TNNI3K: variants seen among roughly 807,000 people sequenced by gnomAD.
TNNI3K encodes serine/threonine-protein kinase TNNI3K.
In TNNI3K, 140 loss-of-function variants were observed where a neutral mutation model predicts 114.5. That is an observed-to-expected ratio of 1.22 (90% CI 1.07 to 1.41). TNNI3K has a LOEUF of 1.41. Among genes scored for constraint, TNNI3K ranks in the 40% most tolerant of loss-of-function variants. The pLI is 0.00. For synonymous variants in TNNI3K, 347 were observed against 347.5 expected (o/e 1.00, Z 0.02); for missense variants, 1,125 against 1,007.6 (o/e 1.12, Z -1.58).
chr1:74,255,750 T>C (rs1269301959), intron 4 of TNNI3K, among the ~76,000 whole-genome samples: 1 of 152,232 alleles, frequency 6.6e-6, no homozygotes, highest in Non-Finnish European at 1.5e-5. Context: ...ACATTTCTAC[T>C]ATACCAAAAA....
At chr1:74,407,706 C>A (rs1462441320) in intron 17 of TNNI3K, among the ~76,000 whole-genome samples, 1 of 152,138 alleles carries the variant, frequency 6.6e-6, no homozygotes, top group East Asian at 1.9e-4. Flanking sequence ...GAGGAGATAC[C>A]TGGTCTCTAA....
chr1:74,287,910 C>T (rs1256575674), intron 5 of TNNI3K, among the ~76,000 whole-genome samples: 3 of 151,902 alleles, frequency 2.0e-5, no homozygotes, highest in African/African-American at 7.3e-5. Context: ...ATATTCCAAT[C>T]TAAAAATGTG....
chr1:74,262,758 C>T (rs1655755295), intron 4 of TNNI3K, among the ~76,000 whole-genome samples: 2 of 152,028 alleles, frequency 1.3e-5, no homozygotes, highest in Admixed American at 6.6e-5. Flanking sequence ...TAAATGAACA[C>T]ATTCTCAATA....
intron 5 of TNNI3K, among the ~76,000 whole-genome samples, chr1:74,304,697 A>C (rs571398367): frequency 1.3e-5 from 2 of 152,200 alleles, no homozygotes; most frequent in African/African-American, 2.4e-5. Context: ...CTCCTGCTCC[A>C]ATCTCCCAAA....
chr1:74,254,752 G>A (rs1553123727), intron 4 of TNNI3K, among the ~76,000 whole-genome samples: 2 of 152,090 alleles, frequency 1.3e-5, no homozygotes, highest in South Asian at 2.1e-4. Flanking sequence ...AATTCAGGGC[G>A]AGTCCACAGT....
chr1:74,408,768 A>G (rs996372843), intron 17 of TNNI3K, among the ~76,000 whole-genome samples: 12 of 152,188 alleles, frequency 7.9e-5, no homozygotes, highest in Non-Finnish European at 4.4e-5. Context: ...CAAATGCAAC[A>G]TGGTAATGTA....
intron 21 of TNNI3K, chr1:74,480,282 G>T (rs1668420130): frequency 1.4e-6 from 1 of 717,424 alleles, no homozygotes; most frequent in Non-Finnish European, 2.6e-6. Flanking sequence ...AGCACACTCT[G>T]TGCAGCTGCC....
intron 20 of TNNI3K, among the ~76,000 whole-genome samples, chr1:74,451,819 T>G (rs1667041123): frequency 6.7e-6 from 1 of 149,778 alleles, no homozygotes; most frequent in Non-Finnish European, 1.5e-5. Flanking sequence ...CAATGTTGAA[T>G]TGAAGTGGTA....
chr1:74,364,911 T>C (rs577298555), intron 11 of TNNI3K, among the ~76,000 whole-genome samples: 2 of 152,212 alleles, frequency 1.3e-5, no homozygotes, highest in African/African-American at 4.8e-5. Context: ...GAGAAAACCA[T>C]GTTGAACTTT....
intron 20 of TNNI3K, among the ~76,000 whole-genome samples, chr1:74,450,540 C>G (rs975261959): frequency 6.6e-6 from 1 of 151,974 alleles, no homozygotes; most frequent in African/African-American, 2.4e-5. Flanking sequence ...CTACAATGGA[C>G]TTAAACAAAT....
At chr1:74,301,033 T>G (rs761490640) in intron 5 of TNNI3K, among the ~76,000 whole-genome samples, 2 of 152,178 alleles carry the variant, frequency 1.3e-5, no homozygotes, top group Non-Finnish European at 2.9e-5. Context: ...TATGGAGAGA[T>G]ATGCAAGATT....
chr1:74,382,332 A>G (rs1033063589), intron 17 of TNNI3K, among the ~76,000 whole-genome samples: 1 of 152,154 alleles, frequency 6.6e-6, no homozygotes, highest in Admixed American at 6.6e-5. Context: ...TACCCTTGTG[A>G]TTAATAAGGG....
At chr1:74,520,074 G>A (rs1472556719) in intron 23 of TNNI3K, among the ~76,000 whole-genome samples, 1 of 152,092 alleles carries the variant, frequency 6.6e-6, no homozygotes, top group Non-Finnish European at 1.5e-5. Context: ...CTTTAATGGT[G>A]ATTTGTGAGA....
chr1:74,458,017 T>C (rs1667298283), intron 20 of TNNI3K, among the ~76,000 whole-genome samples: 1 of 152,210 alleles, frequency 6.6e-6, no homozygotes, highest in South Asian at 2.1e-4. Context: ...ATGTTTTTTA[T>C]ATCTAGCTCT....
chr1:74,418,135 T>C (rs771093335), intron 17 of TNNI3K: 2 of 450,458 alleles, frequency 4.4e-6, no homozygotes, highest in South Asian at 1.6e-5. Flanking sequence ...TCCTAAAAGG[T>C]AGGAGGTCTT....
rs1320512521 is a variant in TNNI3K, at chr1:74,398,791, C to G, written c.1772+28399C>G. On this transcript the variant is annotated intron_variant, in intron 17 of 24. Transcript: ENST00000326637. Reference sequence around the variant, plus strand: ...CATATTAGATGGGATTACCACACCCCTTGTTATCTCCCCTCTTCTGGAAAG... The same window carrying G: ...CATATTAGATGGGATTACCACACCCGTTGTTATCTCCCCTCTTCTGGAAAG... 2.0e-5 allele frequency among the ~76,000 whole-genome samples: 3 copies of G among 152,094 alleles called. No individual in the cohort carries two copies. In the East Asian group the frequency reaches 5.8e-4, roughly 29 times the overall value.
At position 74,441,929 on chromosome 1, in the gene TNNI3K, G is replaced by A. The variant is rs114206196; in HGVS notation, c.2011+2307G>A. On this transcript the variant is annotated intron_variant, in intron 20 of 24. Coordinates refer to ENST00000326637, the MANE Select transcript of TNNI3K (RefSeq NM_015978.3). ...TGTGGCTTGCCTTTTTGTATTCTCA[G>A]CAATGTCTTTCAAAGAGCAGATGTT... 7.8e-3 allele frequency among the ~76,000 whole-genome samples: 1,192 copies of A among 152,110 alleles called. 19 individuals are homozygous for A. The highest frequency in any genetic ancestry group is 0.027 in the African/African-American group (1,133 of 41,504).
At chr1:74,484,209 G>A (rs1349405684) in intron 21 of TNNI3K, among the ~76,000 whole-genome samples, 8 of 102,128 alleles carry the variant, frequency 7.8e-5, no homozygotes, top group African/African-American at 2.4e-4. Context: ...TTCCCTGGTT[G>A]ATTAAAAAAA....
intron 6 of TNNI3K, among the ~76,000 whole-genome samples, chr1:74,335,298 T>C (rs1660407312): frequency 6.6e-6 from 1 of 152,202 alleles, no homozygotes; most frequent in South Asian, 2.1e-4. Flanking sequence ...AATCTAGGAC[T>C]ATCTTAAACT....
Sources: allele counts gnomAD v4.1 joint callset (sites outside exome capture counted in the v4.1 genomes callset), GRCh38; gene constraint gnomAD v4.1.1; transcripts MANE v1.5; gene names NCBI Gene and HGNC (gene_info 2026-07-23, HGNC 2026-07-21).